The following ADAMTSL3 variants were observed in gnomAD, a reference collection of about 807,000 sequenced individuals.
The protein encoded by ADAMTSL3 is ADAMTS-like protein 3.
A neutral mutation model predicts 201.7 loss-of-function variants in ADAMTSL3; 128 were observed. The observed-to-expected ratio is 0.63, with a 90% CI of 0.55 to 0.73. The LOEUF (loss-of-function observed/expected upper bound fraction) is 0.73. Among genes scored for constraint, ADAMTSL3 ranks in the 30% least tolerant of loss-of-function variants. The pLI is 0.00. For missense variants in ADAMTSL3, 1,990 were observed against 2,119.6 expected, an observed-to-expected ratio of 0.94 and a Z score of 1.20; for synonymous variants, 738 against 748.4, an observed-to-expected ratio of 0.99 and a Z score of 0.23.
At chr15:83,700,492 G>A (rs577943915) in intron 2 of ADAMTSL3, among the ~76,000 whole-genome samples, 14 of 152,278 alleles carry the variant, frequency 9.2e-5, no homozygotes, top group Non-Finnish European at 1.9e-4. Flanking sequence ...GGCTGGGCGC[G>A]GTGGCTCATG....
Position 83,838,127 on chromosome 15 carries a change from G to C in ADAMTSL3, c.639G>C (p.Lys213Asn). 1 of 1,612,708 alleles carries C rather than the reference G, an allele frequency of 6.2e-7. No homozygotes were observed. Among genetic ancestry groups the C allele is most frequent in the South Asian group, 1.1e-5 (1 of 90,704 alleles). The change falls in exon 7 of 30, where the codon AAG (lysine) becomes AAC (asparagine). Residue 213 changes from lysine to asparagine, a missense_variant. Lys to Asn is a moderately conservative substitution (Grantham distance 94). Transcript: ENST00000286744. ...GCDRQLGSNA[K>N]EDNCGVCAGD... ...ATCGGCAACTGGGAAGCAATGCCAA[G>C]GAGGACAACTGTGGAGTCTGTGCCG...
intron 16 of ADAMTSL3, among the ~76,000 whole-genome samples, 186 bp from the exon 17 acceptor site, chr15:83,923,718 T>C (rs141851200): frequency 6.6e-6 from 1 of 152,300 alleles, no homozygotes; most frequent in African/African-American, 2.4e-5. Flanking sequence ...GGGAATATCA[T>C]AAACTAGGAG....
At chr15:83,876,235 T>G (rs904388450) in intron 9 of ADAMTSL3, among the ~76,000 whole-genome samples, 10 of 152,188 alleles carry the variant, frequency 6.6e-5, no homozygotes, top group Admixed American at 2.0e-4. Context: ...ATTGGTTCCT[T>G]GCGTAATTGT....
chr15:83,694,426 C>T (rs981569144), intron 2 of ADAMTSL3: 7 of 152,120 alleles, frequency 4.6e-5, no homozygotes, highest in Non-Finnish European at 8.8e-5. Context: ...GTTTTTTTCT[C>T]TAGCAATGGA....
At chr15:83,975,501 C>T (rs947621707) in intron 20 of ADAMTSL3, among the ~76,000 whole-genome samples, 2 of 152,104 alleles carry the variant, frequency 1.3e-5, no homozygotes, top group Admixed American at 6.5e-5. Context: ...CTTGGGCTGG[C>T]GGCACTTCCT....
chr15:83,857,567 C>T (rs1157660320), intron 7 of ADAMTSL3, among the ~76,000 whole-genome samples: 6 of 152,022 alleles, frequency 3.9e-5, no homozygotes, highest in Non-Finnish European at 8.8e-5. Flanking sequence ...TTCAGTCTTT[C>T]CTTTTACATG....
At chr15:84,037,656 C>T (rs773521282) in intron 29 of ADAMTSL3, 44 bp from the exon 30 acceptor site, 2 of 1,506,906 alleles carry the variant, frequency 1.3e-6, no homozygotes, top group East Asian at 4.7e-5. Flanking sequence ...TTAATTAGGT[C>T]TCTAATAAGC....
chr15:83,988,874 T>TATTG (rs1207108455), intron 22 of ADAMTSL3, 56 bp downstream of exon 22: 1 of 1,052,848 alleles, frequency 9.5e-7, no homozygotes. Flanking sequence ...TATTTTTATT[T>TATTG]ATTTATTTAT....
intron 4 of ADAMTSL3, among the ~76,000 whole-genome samples, chr15:83,802,676 G>T (rs2063542944): frequency 6.6e-6 from 1 of 152,158 alleles, no homozygotes; most frequent in Non-Finnish European, 1.5e-5. Flanking sequence ...ACCAGTGGTT[G>T]CCAGGAGCTG....
chr15:83,860,282 G>A (rs1254462352), intron 8 of ADAMTSL3, among the ~76,000 whole-genome samples: 1 of 152,172 alleles, frequency 6.6e-6, no homozygotes, highest in Non-Finnish European at 1.5e-5. Flanking sequence ...AGCAAAGTGG[G>A]ACAAAACAAA....
chr15:83,798,756 G>A (rs1411852462), intron 4 of ADAMTSL3, among the ~76,000 whole-genome samples: 3 of 141,406 alleles, frequency 2.1e-5, no homozygotes, highest in Non-Finnish European at 4.5e-5. Context: ...GCAGGGAGCT[G>A]AGATCGCGCC....
chr15:83,856,610 A>G (rs1022373813), intron 7 of ADAMTSL3, among the ~76,000 whole-genome samples: 4 of 152,212 alleles, frequency 2.6e-5, no homozygotes, highest in Non-Finnish European at 5.9e-5. Context: ...GAAAGCCCAG[A>G]TAGCACAGTA....
intron 3 of ADAMTSL3, among the ~76,000 whole-genome samples, chr15:83,731,334 T>C (rs2062267431): frequency 1.3e-5 from 2 of 151,940 alleles, no homozygotes; most frequent in African/African-American, 2.4e-5. Context: ...ATCAGGAAAA[T>C]GCAAATAAAA....
At chr15:83,917,652 T>C (rs2066062037) in intron 16 of ADAMTSL3, among the ~76,000 whole-genome samples, 1 of 152,190 alleles carries the variant, frequency 6.6e-6, no homozygotes, top group East Asian at 1.9e-4. Flanking sequence ...GTTTGTTGTT[T>C]TTATGACCTC....
intron 23 of ADAMTSL3, among the ~76,000 whole-genome samples, chr15:83,998,017 G>A (rs779810598): frequency 1.3e-5 from 2 of 150,760 alleles, no homozygotes; most frequent in Non-Finnish European, 2.9e-5. Flanking sequence ...TATTGGGAGG[G>A]AATCTAGGAA....
At chr15:83,912,032 G>A (rs932781092) in intron 15 of ADAMTSL3, among the ~76,000 whole-genome samples, 4 of 152,200 alleles carry the variant, frequency 2.6e-5, no homozygotes, top group Non-Finnish European at 5.9e-5. Context: ...CGAGCCCTGA[G>A]TTTTCAAAAC....
chr15:83,681,338 C>T (rs1392581650), intron 2 of ADAMTSL3, among the ~76,000 whole-genome samples: 1 of 152,126 alleles, frequency 6.6e-6, no homozygotes, highest in South Asian at 2.1e-4. Context: ...ATAGAGGTGA[C>T]ACGTCATTTA....
At chr15:83,657,471 C>A (rs2141348981) in intron 2 of ADAMTSL3, among the ~76,000 whole-genome samples, 1 of 152,318 alleles carries the variant, frequency 6.6e-6, no homozygotes, top group South Asian at 2.1e-4. Context: ...CCCAGCTCTA[C>A]CACTTCATTA....
intron 2 of ADAMTSL3, among the ~76,000 whole-genome samples, chr15:83,667,648 C>CT (rs2061267179): frequency 6.8e-6 from 1 of 147,690 alleles, no homozygotes; most frequent in African/African-American, 2.5e-5. Context: ...ATGTAATAAA[C>CT]TTTTTAAAGA....
Sources: gnomAD v4.1 joint callset for allele counts (sites outside exome capture counted in the v4.1 genomes callset) on GRCh38, gnomAD v4.1.1 for gene constraint, MANE v1.5 for transcripts, NCBI Gene and HGNC (gene_info 2026-07-23, HGNC 2026-07-21) for gene names.